Variants in PKIB observed in about 807,000 individuals in gnomAD.
PKIB encodes PKI-beta.
In PKIB, 2 loss-of-function variants were observed where a neutral mutation model predicts 4.5. The ratio of observed to expected loss-of-function variants is 0.44; its 90% CI spans 0.18 to 1.39. The LOEUF (loss-of-function observed/expected upper bound fraction) is 1.39. Ranked by LOEUF, PKIB falls within the 40% of genes most tolerant of loss-of-function variation. The pLI is 0.27. For missense variants in PKIB, 94 were observed against 92.6 expected (o/e 1.02, Z -0.06); for synonymous variants, 38 against 36.0 (o/e 1.06, Z -0.20).
At chr6:122,529,494 A>G (rs544756504) in intron 2 of PKIB, among the ~76,000 whole-genome samples, 6 of 152,262 alleles carry the variant, frequency 3.9e-5, no homozygotes, top group Admixed American at 1.3e-4. Flanking sequence ...ATATTTGTCT[A>G]TAAATTTACC....
intron 2 of PKIB, among the ~76,000 whole-genome samples, chr6:122,551,614 G>C (rs2114655549): frequency 6.6e-6 from 1 of 152,030 alleles, no homozygotes; most frequent in Middle Eastern, 3.4e-3. Context: ...CTCATTTTAA[G>C]TGTGGGGAAC....
intron 2 of PKIB, among the ~76,000 whole-genome samples, chr6:122,539,231 G>T (rs923778034): frequency 1.4e-4 from 22 of 152,128 alleles, no homozygotes; most frequent in African/African-American, 5.3e-4. Context: ...GAATAGGAGG[G>T]GTGAGAGAGG....
intron 2 of PKIB, among the ~76,000 whole-genome samples, chr6:122,495,604 ACTAC>A (rs1215663259): frequency 2.0e-5 from 3 of 151,850 alleles, no homozygotes; most frequent in Non-Finnish European, 4.4e-5. Flanking sequence ...AACTGGGGAA[ACTAC>A]CTACCCCATT....
intron 2 of PKIB, among the ~76,000 whole-genome samples, chr6:122,540,141 T>C (rs1367521674): frequency 6.6e-6 from 1 of 152,100 alleles, no homozygotes; most frequent in East Asian, 1.9e-4. Flanking sequence ...GTTCCAGGAT[T>C]CATTAATTTT....
intron 3 of PKIB, among the ~76,000 whole-genome samples, chr6:122,701,902 A>G (rs1214081511): frequency 3.3e-5 from 5 of 152,178 alleles, no homozygotes; most frequent in African/African-American, 1.2e-4. Flanking sequence ...GGAGCATGTG[A>G]GGGTTGTAAC....
chr6:122,545,117 A>C (rs1190908400), intron 2 of PKIB, among the ~76,000 whole-genome samples: 1 of 152,096 alleles, frequency 6.6e-6, no homozygotes, highest in East Asian at 1.9e-4. Context: ...ATTAACATTT[A>C]ACCCAAGAAT....
chr6:122,566,496 A>G (rs1773198952), intron 2 of PKIB, among the ~76,000 whole-genome samples: 1 of 152,138 alleles, frequency 6.6e-6, no homozygotes, highest in Non-Finnish European at 1.5e-5. Context: ...TGATCTTTAT[A>G]CTAATGCTTA....
At chr6:122,657,623 C>G (rs2114901642) in intron 2 of PKIB, among the ~76,000 whole-genome samples, 1 of 152,278 alleles carries the variant, frequency 6.6e-6, no homozygotes, top group South Asian at 2.1e-4. Flanking sequence ...ATCTGCAATG[C>G]TACTTCCTTT....
At chr6:122,660,357 G>A (rs76148556) in intron 2 of PKIB, among the ~76,000 whole-genome samples, 197 of 152,266 alleles carry the variant, frequency 1.3e-3, no homozygotes, top group African/African-American at 4.3e-3. Flanking sequence ...CAGAGACCAA[G>A]GCATGTAGGA....
intron 2 of PKIB, among the ~76,000 whole-genome samples, chr6:122,524,267 T>A (rs976720125): frequency 6.7e-6 from 1 of 149,378 alleles, no homozygotes; most frequent in East Asian, 2.0e-4. Flanking sequence ...CTCTTCCTCC[T>A]CCTCCTTCTT....
intron 2 of PKIB, chr6:122,643,987 A>G (rs1776216387): frequency 6.6e-6 from 1 of 152,170 alleles, no homozygotes; most frequent in East Asian, 1.9e-4. Context: ...CTTAAAAAAA[A>G]ACAGTGCTTC....
intron 3 of PKIB, among the ~76,000 whole-genome samples, chr6:122,597,977 C>G (rs1402396162): frequency 1.3e-5 from 2 of 152,138 alleles, no homozygotes; most frequent in African/African-American, 4.8e-5. Context: ...GAGCCAGTGT[C>G]CAGTAGTCCC....
At chr6:122,609,142 CT>C (rs564832208), upstream of PKIB, among the ~76,000 whole-genome samples, 62 of 152,200 alleles carry the variant, frequency 4.1e-4, no homozygotes, top group African/African-American at 1.5e-3. Flanking sequence ...TTTGCCAGTA[CT>C]TTTTTGCAAT....
At chr6:122,696,855 T>C (rs1043349984) in intron 3 of PKIB, among the ~76,000 whole-genome samples, 1 of 152,184 alleles carries the variant, frequency 6.6e-6, no homozygotes, top group African/African-American at 2.4e-5. Flanking sequence ...ACCTGATGCC[T>C]TTTCTCCACA....
intron 3 of PKIB, among the ~76,000 whole-genome samples, chr6:122,697,045 C>A (rs1778607471): frequency 6.6e-6 from 1 of 152,148 alleles, no homozygotes; most frequent in African/African-American, 2.4e-5. Context: ...ACATGGCACA[C>A]CTTGCAGGGC....
rs141732579 is a variant in PKIB at position 122,593,710 on chromosome 6, TA to T, written c.-161+7704del. On this transcript the variant is annotated intron_variant, in intron 3 of 6. Transcript: ENST00000392491. ...AATGTAAAAGCCTTACTTAATTTTA[TA>T]GAGGAATGATAATATTAATTACAAT... Among the ~76,000 whole-genome samples, 199 of 152,360 alleles carry T rather than the reference TA, an allele frequency of 1.3e-3. 3 individuals are homozygous for T. In the East Asian group the frequency reaches 0.03, roughly 23 times the overall value.
At chr6:122,707,509 T>G (rs1482447012) in intron 3 of PKIB, among the ~76,000 whole-genome samples, 1 of 152,100 alleles carries the variant, frequency 6.6e-6, no homozygotes, top group Non-Finnish European at 1.5e-5. Flanking sequence ...AAAAAAGCAT[T>G]ATACCTATCT....
chr6:122,562,741 A>G (rs896075156), intron 2 of PKIB, among the ~76,000 whole-genome samples: 1 of 152,098 alleles, frequency 6.6e-6, no homozygotes, highest in African/African-American at 2.4e-5. Context: ...AACTTGTTCA[A>G]TTCTATTGCT....
At chr6:122,504,909 G>A (rs549763041) in intron 2 of PKIB, among the ~76,000 whole-genome samples, 1 of 152,220 alleles carries the variant, frequency 6.6e-6, no homozygotes, top group East Asian at 1.9e-4. Context: ...AAAGGAATGA[G>A]AAGAGACAGG....
Sources: allele counts gnomAD v4.1 joint callset (sites outside exome capture counted in the v4.1 genomes callset), GRCh38; gene constraint gnomAD v4.1.1; transcripts MANE v1.5; gene names NCBI Gene and HGNC (gene_info 2026-07-23, HGNC 2026-07-21).